The following LRRTM4 variants were observed in gnomAD, a reference collection of about 807,000 sequenced individuals.
LRRTM4 encodes the protein leucine-rich repeat transmembrane neuronal protein 4.
LRRTM4 carries 25 observed loss-of-function variants against 47.6 expected under a neutral mutation model. The ratio of observed to expected loss-of-function variants is 0.53; its 90% CI spans 0.38 to 0.73. The LOEUF is 0.73. Among genes scored for constraint, LRRTM4 ranks in the 30% least tolerant of loss-of-function variants. The probability of loss-of-function intolerance (pLI) is 0.00; values close to 1 mark genes in which losing one functional copy is unlikely to be tolerated. For missense variants in LRRTM4, 638 were observed against 713.4 expected, an observed-to-expected ratio of 0.89 and a Z score of 1.20; for synonymous variants, 311 against 269.5, an observed-to-expected ratio of 1.15 and a Z score of -1.51.
chr2:77,369,417 A>G (rs1432771063), intron 3 of LRRTM4, among the ~76,000 whole-genome samples: 1 of 151,742 alleles, frequency 6.6e-6, no homozygotes, highest in African/African-American at 2.4e-5. Flanking sequence ...GATGTAGGTC[A>G]AAGAATACAA....
intron 3 of LRRTM4, among the ~76,000 whole-genome samples, chr2:77,021,625 C>T (rs557671484): frequency 1.3e-5 from 2 of 152,242 alleles, no homozygotes; most frequent in African/African-American, 4.8e-5. Context: ...CCAGTTATCC[C>T]AACCAGGTCC....
At position 77,518,916 on chromosome 2, in the gene LRRTM4, C is replaced by T. The variant is rs767913876; in HGVS notation, c.953G>A (p.Ser318Asn). ...AAGCCAATAAAATAAAGGACAAATG[C>T]TCCGACTGCATTCCCACATATTTCC... Reference protein sequence around the residue: ...LSGNMWECSRSICPLFYWLKN... With the variant: ...LSGNMWECSRNICPLFYWLKN... The change falls in exon 3 of 4, where the codon AGC becomes AAC. Residue 318 changes from serine to asparagine, a missense_variant. Ser to Asn is a conservative substitution (Grantham distance 46, BLOSUM62 1). Coordinates refer to ENST00000409884, the MANE Select transcript of LRRTM4 (RefSeq NM_001134745.3). The T allele has an allele frequency of 3.1e-6, 5 of 1,608,492 alleles. No individual in the cohort carries two copies. The highest frequency in any genetic ancestry group is 3.4e-5 in the Admixed American group (2 of 59,240).
intron 3 of LRRTM4, among the ~76,000 whole-genome samples, chr2:76,780,880 C>G (rs1240051897): frequency 1.4e-5 from 2 of 146,248 alleles, no homozygotes; most frequent in East Asian, 3.9e-4. Flanking sequence ...TTTTCCCCGT[C>G]TTTGTGGTTT....
chr2:77,056,581 G>C (rs1221936862), intron 3 of LRRTM4, among the ~76,000 whole-genome samples: 1 of 152,004 alleles, frequency 6.6e-6, no homozygotes, highest in African/African-American at 2.4e-5. Context: ...TATATGAAAA[G>C]ACTGTCATAA....
At chr2:77,019,185 T>C (rs1678178387) in intron 3 of LRRTM4, among the ~76,000 whole-genome samples, 1 of 142,914 alleles carries the variant, frequency 7.0e-6, no homozygotes, top group Non-Finnish European at 1.5e-5. Context: ...AAATGGATAG[T>C]ACTGAGTTTT....
chr2:77,156,700 C>G (rs567723914), intron 3 of LRRTM4, among the ~76,000 whole-genome samples: 217 of 151,204 alleles, frequency 1.4e-3, no homozygotes, highest in African/African-American at 5.1e-3. Flanking sequence ...ATACAATGAG[C>G]CTTCAACTTT....
chr2:77,263,324 T>C (rs1474815118), intron 3 of LRRTM4, among the ~76,000 whole-genome samples: 2 of 152,076 alleles, frequency 1.3e-5, no homozygotes, highest in Admixed American at 6.6e-5. Context: ...AATAGGTGAA[T>C]TGTGGTTTTG....
Position 77,413,741 on chromosome 2 carries a change from T to A in LRRTM4, c.1551+104577A>T, listed in dbSNP as rs941299658. Among the ~76,000 whole-genome samples, 3 of 151,808 alleles carry A rather than the reference T, an allele frequency of 2.0e-5. No homozygotes were observed. The East Asian group carries it at 5.8e-4, about 29-fold the overall frequency. ...CCTCTCTCCCCCAACCAGAAAAAAA[T>A]GCACACTATCACCTAATGGAATGAA... is the stretch of plus-strand genomic sequence containing the variant. On this transcript the variant is annotated intron_variant, in intron 3 of 3. Coordinates refer to ENST00000409884, the MANE Select transcript of LRRTM4 (RefSeq NM_001134745.3).
chr2:77,492,667 T>TA (rs1323336793), intron 3 of LRRTM4, among the ~76,000 whole-genome samples: 2 of 152,000 alleles, frequency 1.3e-5, no homozygotes, highest in African/African-American at 4.8e-5. Flanking sequence ...CTATTCATAC[T>TA]AAAAAAGAAA....
At chr2:77,414,047 G>C (rs1246000661) in intron 3 of LRRTM4, among the ~76,000 whole-genome samples, 1 of 152,074 alleles carries the variant, frequency 6.6e-6, no homozygotes, top group African/African-American at 2.4e-5. Context: ...TAACTGACAA[G>C]GCACTTGAGG....
At chr2:77,504,404 C>T (rs1678689667) in intron 3 of LRRTM4, among the ~76,000 whole-genome samples, 2 of 151,502 alleles carry the variant, frequency 1.3e-5, no homozygotes, top group Admixed American at 6.6e-5. Context: ...AATTTGACTA[C>T]ATAAAAAAGT....
At chr2:76,831,765 T>C (rs752355484) in intron 3 of LRRTM4, among the ~76,000 whole-genome samples, 2 of 152,098 alleles carry the variant, frequency 1.3e-5, no homozygotes, top group African/African-American at 4.8e-5. Context: ...GGGATCCTAC[T>C]GTTGTCACTA....
intron 3 of LRRTM4, among the ~76,000 whole-genome samples, chr2:77,113,289 T>G (rs763870626): frequency 6.6e-6 from 1 of 152,094 alleles, no homozygotes; most frequent in Non-Finnish European, 1.5e-5. Context: ...AAGGTCCCAG[T>G]CTAAAGGAAG....
At chr2:77,073,497 C>A (rs1225661456) in intron 3 of LRRTM4, among the ~76,000 whole-genome samples, 2 of 151,724 alleles carry the variant, frequency 1.3e-5, no homozygotes, top group African/African-American at 4.8e-5. Context: ...TGTTATAATT[C>A]CTTCTATGAA....
At chr2:77,340,241 G>A (rs536070319) in intron 3 of LRRTM4, among the ~76,000 whole-genome samples, 36 of 151,726 alleles carry the variant, frequency 2.4e-4, no homozygotes, top group Non-Finnish European at 8.8e-5. Flanking sequence ...ATAGAGTGGT[G>A]GTTGAGAACC....
At chr2:77,003,100 C>G (rs1295604553) in intron 3 of LRRTM4, among the ~76,000 whole-genome samples, 1 of 151,954 alleles carries the variant, frequency 6.6e-6, no homozygotes, top group Non-Finnish European at 1.5e-5. Context: ...GTAGTTTTTA[C>G]TTTGCGATAA....
intron 3 of LRRTM4, among the ~76,000 whole-genome samples, chr2:77,318,984 G>A (rs888067262): frequency 2.0e-5 from 3 of 151,874 alleles, no homozygotes; most frequent in Non-Finnish European, 4.4e-5. Flanking sequence ...AGGATAACTG[G>A]ACACAGCTAT....
intron 3 of LRRTM4, among the ~76,000 whole-genome samples, chr2:77,411,618 A>ATTTTTTTTTTT (rs1222177148): frequency 8.3e-4 from 54 of 64,790 alleles, no homozygotes; most frequent in African/African-American, 1.7e-3. Context: ...ATGCCCGGCT[A>ATTTTTTTTTTT]TTTTTTTTTT....
At chr2:76,906,914 C>T (rs1184386463) in intron 3 of LRRTM4, among the ~76,000 whole-genome samples, 2 of 151,748 alleles carry the variant, frequency 1.3e-5, no homozygotes, top group African/African-American at 4.8e-5. Flanking sequence ...TTTAACACCC[C>T]ACTGTCAACA....
Sources: gnomAD v4.1 joint callset for allele counts (sites outside exome capture counted in the v4.1 genomes callset) on GRCh38, gnomAD v4.1.1 for gene constraint, MANE v1.5 for transcripts, NCBI Gene and HGNC (gene_info 2026-07-23, HGNC 2026-07-21) for gene names.